CNBD1: variants seen among roughly 807,000 people sequenced by gnomAD.
CNBD1 encodes the protein cyclic nucleotide-binding domain-containing protein 1.
A neutral mutation model predicts 54.4 loss-of-function variants in CNBD1; 71 were observed. The observed-to-expected ratio is 1.30, with a 90% CI of 1.08 to 1.59. CNBD1 has a LOEUF of 1.59. CNBD1 is among the 40% of genes most tolerant of loss of function. The pLI, the probability that CNBD1 is intolerant of heterozygous loss-of-function variation, is 0.00. For synonymous variants in CNBD1, 182 were observed against 170.7 expected (o/e 1.07, Z -0.51); for missense variants, 659 against 518.0 (o/e 1.27, Z -2.64).
chr8:87,221,229 A>C (rs1033826702), intron 5 of CNBD1, among the ~76,000 whole-genome samples: 23 of 152,150 alleles, frequency 1.5e-4, no homozygotes, highest in African/African-American at 4.6e-4. Context: ...TTTAAAAATT[A>C]GCACTGTTTT....
At chr8:87,285,720 A>C (rs1267420762) in intron 7 of CNBD1, among the ~76,000 whole-genome samples, 1 of 152,102 alleles carries the variant, frequency 6.6e-6, no homozygotes, top group Non-Finnish European at 1.5e-5. Flanking sequence ...AAAATACAAA[A>C]TTAGCCGGAC....
chr8:86,969,799 C>CGT lies in CNBD1; in HGVS notation c.431+30045_431+30046insGT, dbSNP rs1563842050. Among the ~76,000 whole-genome samples the CGT allele has an allele frequency of 6.3e-3, 888 of 141,524 alleles. 8 individuals carry two copies. Among genetic ancestry groups the CGT allele is most frequent in the South Asian group, 0.022 (96 of 4,398 alleles). The allele number at this position is 141,524 out of a possible 152,430, so 92.8% of individuals were successfully genotyped here. On this transcript the variant is annotated intron_variant, in intron 4 of 10. Transcript: ENST00000518476. ...AGTGTTTTATATATATATATACACA[C>CGT]ACACACACACACACACACACACATA...
chr8:87,408,701 T>C (rs532098369), intron 2 of CNBD1, among the ~76,000 whole-genome samples: 1 of 152,234 alleles, frequency 6.6e-6, no homozygotes, highest in Non-Finnish European at 1.5e-5. Flanking sequence ...TCAGCACAAG[T>C]TTTCCAAAGT....
intron 5 of CNBD1, among the ~76,000 whole-genome samples, chr8:87,218,810 A>G: frequency 6.6e-6 from 1 of 152,122 alleles, no homozygotes. Flanking sequence ...CCTTGAAAAT[A>G]TATAGAATTT....
intron 2 of CNBD1, among the ~76,000 whole-genome samples, chr8:87,419,477 A>G (rs924249648): frequency 2.6e-5 from 4 of 151,980 alleles, no homozygotes; most frequent in African/African-American, 9.6e-5. Context: ...ATAAGAATGC[A>G]TAAGATTTGG....
chr8:87,291,284 T>C, intron 8 of CNBD1, among the ~76,000 whole-genome samples: 1 of 152,174 alleles, frequency 6.6e-6, no homozygotes, highest in East Asian at 1.9e-4. Context: ...CTTTTACACA[T>C]GTTGTTCCTT....
At chr8:86,929,065 C>G (rs943264196) in intron 3 of CNBD1, among the ~76,000 whole-genome samples, 3 of 152,210 alleles carry the variant, frequency 2.0e-5, no homozygotes, top group African/African-American at 7.2e-5. Flanking sequence ...ATAGGTATTT[C>G]TAATGGGAAG....
intron 2 of CNBD1, among the ~76,000 whole-genome samples, chr8:87,414,564 G>T (rs1807806205): frequency 6.6e-6 from 1 of 151,678 alleles, no homozygotes; most frequent in Non-Finnish European, 1.5e-5. Flanking sequence ...GATATATGTG[G>T]GTGGAAGGTT....
At chr8:87,073,977 C>T (rs1304073076) in intron 4 of CNBD1, among the ~76,000 whole-genome samples, 4 of 151,628 alleles carry the variant, frequency 2.6e-5, no homozygotes, top group Non-Finnish European at 5.9e-5. Flanking sequence ...TGGTGGGCGC[C>T]GTAGTCCCAG....
intron 4 of CNBD1, among the ~76,000 whole-genome samples, chr8:87,149,023 T>G (rs553992122): frequency 8.5e-5 from 13 of 152,314 alleles, no homozygotes; most frequent in African/African-American, 2.9e-4. Flanking sequence ...AGAATTCATA[T>G]CACAAAGGTG....
intron 4 of CNBD1, among the ~76,000 whole-genome samples, chr8:87,005,670 T>C (rs2130551911): frequency 6.6e-6 from 1 of 152,188 alleles, no homozygotes; most frequent in African/African-American, 2.4e-5. Context: ...AGGAAGACTT[T>C]ATTAAAGATT....
At chr8:87,107,404 A>AC (rs1429088135) in intron 4 of CNBD1, among the ~76,000 whole-genome samples, 1 of 151,678 alleles carries the variant, frequency 6.6e-6, no homozygotes, top group African/African-American at 2.4e-5. Context: ...TCCATCCTGA[A>AC]CTCTTTGCTC....
chr8:87,135,564 C>A (rs1812210336), intron 4 of CNBD1, among the ~76,000 whole-genome samples: 1 of 148,166 alleles, frequency 6.7e-6, no homozygotes, highest in Admixed American at 6.8e-5. Context: ...AGATCAAAGG[C>A]ATCTAATATG....
At chr8:87,089,738 T>A (rs1464385222) in intron 4 of CNBD1, among the ~76,000 whole-genome samples, 1 of 152,108 alleles carries the variant, frequency 6.6e-6, no homozygotes, top group Non-Finnish European at 1.5e-5. Context: ...GGAATTATAC[T>A]TTACTTTTTT....
At chr8:87,083,581 A>ATTT (rs1462355290) in intron 4 of CNBD1, among the ~76,000 whole-genome samples, 8 of 129,422 alleles carry the variant, frequency 6.2e-5, no homozygotes, top group African/African-American at 2.4e-4. Flanking sequence ...AAACCAATGT[A>ATTT]TTTCTTTTTT....
chr8:87,339,498 T>C (rs1810022022), intron 8 of CNBD1, among the ~76,000 whole-genome samples: 1 of 152,188 alleles, frequency 6.6e-6, no homozygotes, highest in Non-Finnish European at 1.5e-5. Flanking sequence ...CCTCACTTTT[T>C]TTAAGGATGT....
chr8:86,913,544 C>T lies in CNBD1; in HGVS notation c.272+8350C>T, dbSNP rs1329271846. On this transcript the variant is annotated intron_variant, in intron 3 of 10. Transcript: ENST00000518476. ...GTCTGGGGGAGACATCACATGTCGG[C>T]GGGTTCTGTGATGCCCCCTGAGCCA... is the stretch of plus-strand genomic sequence containing the variant. 2.0e-5 allele frequency among the ~76,000 whole-genome samples: 3 copies of T among 151,948 alleles called. No homozygotes were observed. In the South Asian group the frequency reaches 6.2e-4, roughly 32 times the overall value.
At chr8:87,121,287 C>CTA (rs1811883694) in intron 4 of CNBD1, among the ~76,000 whole-genome samples, 1 of 151,290 alleles carries the variant, frequency 6.6e-6, no homozygotes, top group Non-Finnish European at 1.5e-5. Context: ...ATATATACAT[C>CTA]TATATAAATA....
chr8:87,325,249 T>C (rs1263905839), intron 8 of CNBD1, among the ~76,000 whole-genome samples: 1 of 95,206 alleles, frequency 1.1e-5, no homozygotes, highest in Non-Finnish European at 2.1e-5. Context: ...GGAATAGGTG[T>C]GGTGTGGTGC....
Sources: allele counts gnomAD v4.1 joint callset (sites outside exome capture counted in the v4.1 genomes callset), GRCh38; gene constraint gnomAD v4.1.1; transcripts MANE v1.5; gene names NCBI Gene and HGNC (gene_info 2026-07-23, HGNC 2026-07-21).